The following RASA3 variants were observed in gnomAD, a reference collection of about 807,000 sequenced individuals.
RASA3 encodes RAS p21 protein activator 3.
Under a neutral mutation model 110.0 loss-of-function variants are expected in RASA3, and 73 were observed. The observed-to-expected ratio is 0.66, with a 90% CI of 0.55 to 0.81. The LOEUF is 0.81. RASA3 is among the 30% of genes least tolerant of loss of function. The pLI is 0.00. For missense variants in RASA3, 976 were observed against 1,113.2 expected, an observed-to-expected ratio of 0.88 and a Z score of 1.75; for synonymous variants, 500 against 451.4, an observed-to-expected ratio of 1.11 and a Z score of -1.37.
At chr13:113,997,445 T>C (rs2053281604) in intron 20 of RASA3, among the ~76,000 whole-genome samples, 1 of 150,714 alleles carries the variant, frequency 6.6e-6, no homozygotes, top group Non-Finnish European at 1.5e-5. Context: ...GTAGTCGGCG[T>C]TGACTCAAAG....
intron 1 of RASA3, among the ~76,000 whole-genome samples, chr13:114,089,492 T>C (rs9590431): frequency 0.94 from 143,054 of 151,862 alleles, 67,724 homozygotes; most frequent in Non-Finnish European, 1. Flanking sequence ...TGCTGTCTGA[T>C]CCAGCCGCAG....
chr13:114,128,219 C>G (rs1003961319), intron 1 of RASA3, among the ~76,000 whole-genome samples: 1 of 152,262 alleles, frequency 6.6e-6, no homozygotes, highest in African/African-American at 2.4e-5. Flanking sequence ...CAGACAGACA[C>G]GGGGAAAGCC....
chr13:114,011,680 C>T lies in RASA3; in HGVS notation c.1513-432G>A, dbSNP rs975265977. Among the ~76,000 whole-genome samples, 1 of 152,102 alleles carries T rather than the reference C, an allele frequency of 6.6e-6. No individual in the cohort carries two copies. The highest frequency in any genetic ancestry group is 1.9e-4 in the East Asian group (1 of 5,172). ...GCTCACGCCTGTAATCCCAGCACTT[C>T]GGGAGGCCGAGGCAGGTAGATCACT... is the stretch of plus-strand genomic sequence containing the variant. On this transcript the variant is annotated intron_variant, in intron 15 of 23. Coordinates refer to ENST00000334062, the MANE Select transcript of RASA3 (RefSeq NM_007368.4). This position sits in a 1 kb window ranked among gnomAD's most constrained non-coding sequence, Gnocchi z 4.8.
At chr13:113,995,269 A>G (rs72659526) in intron 21 of RASA3, among the ~76,000 whole-genome samples, 2,989 of 152,334 alleles carry the variant, frequency 0.02, 44 homozygotes, top group South Asian at 0.032. Flanking sequence ...ATGCGAGGAC[A>G]TGGGAGAGCG....
chr13:114,056,556 C>G lies in RASA3; in HGVS notation c.174-4401G>C, dbSNP rs944109451. 25 of 985,026 alleles carry G rather than the reference C, an allele frequency of 2.5e-5. No individual in the cohort carries two copies. The Admixed American group carries it at 1.4e-3, about 56-fold the overall frequency. 61.0% of individuals were successfully genotyped at this position (985,026 alleles called of 1,614,324 possible). Reference sequence around the variant, plus strand: ...GCCAAAGGCTCTGCACAAGTGGCTCCTCTCTCTGTAACTCTGCTTGGCAGT... The same window carrying G: ...GCCAAAGGCTCTGCACAAGTGGCTCGTCTCTCTGTAACTCTGCTTGGCAGT... On this transcript the variant is annotated intron_variant, in intron 2 of 23. Coordinates refer to ENST00000334062, the MANE Select transcript of RASA3 (RefSeq NM_007368.4). The surrounding 1 kb of genome is among the most constrained non-coding windows in gnomAD (Gnocchi z 5.7).
intron 1 of RASA3, among the ~76,000 whole-genome samples, chr13:114,100,269 G>A (rs1231550856): frequency 6.6e-6 from 1 of 151,924 alleles, no homozygotes; most frequent in African/African-American, 2.4e-5. Flanking sequence ...ACCAGCGGCT[G>A]CCCCTCGGCC....
rs1257502724 is a variant in RASA3 at position 114,057,958 on chromosome 13, A to C, written c.174-5803T>G. On this transcript the variant is annotated intron_variant, in intron 2 of 23. Coordinates refer to ENST00000334062, the MANE Select transcript of RASA3 (RefSeq NM_007368.4). The surrounding 1 kb of genome is among the most constrained non-coding windows in gnomAD (Gnocchi z 5.0). ...TGCTGAAGAGGGCAGGGCCTGGCTGAGGCCCTGGGAGGTCGGAGTCCCGGA... is the reference window on the plus strand; with the variant it reads ...TGCTGAAGAGGGCAGGGCCTGGCTGCGGCCCTGGGAGGTCGGAGTCCCGGA... 1.3e-5 allele frequency among the ~76,000 whole-genome samples: 2 copies of C among 152,058 alleles called. No homozygotes were observed. Among genetic ancestry groups the C allele is most frequent in the Non-Finnish European group, 2.9e-5 (2 of 67,996 alleles).
intron 1 of RASA3, among the ~76,000 whole-genome samples, chr13:114,087,338 G>A (rs1212571605): frequency 1.3e-5 from 2 of 152,256 alleles, no homozygotes; most frequent in Admixed American, 6.5e-5. Context: ...AAATCACGGG[G>A]AAGTGGTGAG....
intron 1 of RASA3, among the ~76,000 whole-genome samples, chr13:114,101,010 C>T (rs1440161377): frequency 1.3e-5 from 2 of 152,188 alleles, no homozygotes; most frequent in Admixed American, 6.5e-5. Flanking sequence ...AGGGGGTGAG[C>T]GTCAGCCTGT....
chr13:114,027,354 G>C (rs373594040), intron 7 of RASA3, 35 bp downstream of exon 7: 1 of 1,517,094 alleles, frequency 6.6e-7, no homozygotes, highest in South Asian at 1.1e-5. Flanking sequence ...CGGGTGCAGA[G>C]TTTCCACTTA....
chr13:114,088,035 G>A (rs1468460582), intron 1 of RASA3, among the ~76,000 whole-genome samples: 17 of 152,184 alleles, frequency 1.1e-4, no homozygotes, highest in Non-Finnish European at 4.4e-5. Context: ...TGAGGCTGAG[G>A]TGGGAGGATC....
intron 1 of RASA3, among the ~76,000 whole-genome samples, chr13:114,078,610 G>GGCA (rs1347024686): frequency 6.6e-6 from 1 of 152,188 alleles, no homozygotes; most frequent in Admixed American, 6.5e-5. Context: ...AGGAGTAAAA[G>GGCA]GCAGCACTTA....
chr13:114,095,487 C>T (rs1311212937), intron 1 of RASA3, among the ~76,000 whole-genome samples: 3 of 152,206 alleles, frequency 2.0e-5, no homozygotes, highest in African/African-American at 7.2e-5. Context: ...AATGGAATCA[C>T]ACATGTGGCC....
At chr13:114,075,174 A>T (rs1168481468) in intron 1 of RASA3, among the ~76,000 whole-genome samples, 1 of 152,180 alleles carries the variant, frequency 6.6e-6, no homozygotes, top group African/African-American at 2.4e-5. Flanking sequence ...GTTGAAACAA[A>T]CAAAATCAAA....
chr13:114,019,039 C>T (rs1594332953), intron 9 of RASA3, 120 bp from the exon 10 acceptor site: 1 of 1,275,878 alleles, frequency 7.8e-7, no homozygotes, highest in African/African-American at 1.5e-5. Context: ...CTGTAGGACC[C>T]CTCAGAGTGC....
intron 2 of RASA3, among the ~76,000 whole-genome samples, chr13:114,072,741 TCTC>T (rs1566551552): frequency 1.3e-5 from 2 of 152,136 alleles, no homozygotes; most frequent in Non-Finnish European, 2.9e-5. Flanking sequence ...CCAGGGAGCA[TCTC>T]CTCCTCAAAC....
intron 20 of RASA3, among the ~76,000 whole-genome samples, chr13:113,997,824 G>A (rs1055436461): frequency 6.6e-6 from 1 of 152,114 alleles, no homozygotes; most frequent in Admixed American, 6.5e-5. Flanking sequence ...GGAGGATTTG[G>A]GCTCCAGGTT....
chr13:114,018,259 G>C lies in RASA3; in HGVS notation c.943-7C>G. The C allele has an allele frequency of 6.5e-7, 1 of 1,549,398 alleles. No homozygotes were observed. On this transcript the variant is annotated splice_region_variant and splice_polypyrimidine_tract_variant and intron_variant, in intron 10 of 23. Coordinates refer to ENST00000334062, the MANE Select transcript of RASA3 (RefSeq NM_007368.4). ...CCGCAGACGCTGACACGGGCTGCGG[G>C]GAGGGGTGAGGTCAGTGCCAGGGCC...
In RASA3 at chr13:114,014,457, G is replaced by A. The variant is rs1003488488; in HGVS notation, c.1405+752C>T. Among the ~76,000 whole-genome samples, 6 of 152,166 alleles carry A rather than the reference G, an allele frequency of 3.9e-5. No homozygotes were observed. Among genetic ancestry groups the A allele is most frequent in the African/African-American group, 1.4e-4 (6 of 41,448 alleles). ...AGCGTGGACGGCTCTGCAGGACCATGGCCACCCCGGGGTGTCTGCAGCTGT... is the reference window on the plus strand; with the variant it reads ...AGCGTGGACGGCTCTGCAGGACCATAGCCACCCCGGGGTGTCTGCAGCTGT... On this transcript the variant is annotated intron_variant, in intron 14 of 23. Coordinates refer to ENST00000334062, the MANE Select transcript of RASA3 (RefSeq NM_007368.4). The surrounding 1 kb of genome is among the most constrained non-coding windows in gnomAD (Gnocchi z 4.5).
Sources: allele counts gnomAD v4.1 joint callset (sites outside exome capture counted in the v4.1 genomes callset), GRCh38; gene constraint gnomAD v4.1.1; non-coding constraint Gnocchi (gnomAD v3.1); transcripts MANE v1.5; gene names NCBI Gene and HGNC (gene_info 2026-07-23, HGNC 2026-07-21).